AGBL4: variants seen among roughly 807,000 people sequenced by gnomAD.
AGBL4 encodes the protein AGBL carboxypeptidase 4, also known as cytosolic carboxypeptidase 6.
Under a neutral mutation model 66.4 loss-of-function variants are expected in AGBL4, and 58 were observed. The ratio of observed to expected loss-of-function variants is 0.87; its 90% CI spans 0.71 to 1.09. AGBL4 has a LOEUF of 1.09. AGBL4 is among the 50% of genes least tolerant of loss of function. The pLI is 0.00. For missense variants in AGBL4, 579 were observed against 631.0 expected, an observed-to-expected ratio of 0.92 and a Z score of 0.88; for synonymous variants, 234 against 222.9, an observed-to-expected ratio of 1.05 and a Z score of -0.44.
chr1:49,408,590 G>C (rs1418951884), intron 3 of AGBL4, among the ~76,000 whole-genome samples: 2 of 152,224 alleles, frequency 1.3e-5, no homozygotes, highest in African/African-American at 4.8e-5. Flanking sequence ...ATAAAAGCAG[G>C]CAGAGGAACA....
intron 6 of AGBL4, among the ~76,000 whole-genome samples, chr1:48,784,514 C>T (rs991981477): frequency 1.3e-5 from 2 of 152,218 alleles, no homozygotes; most frequent in Non-Finnish European, 2.9e-5. Flanking sequence ...TTGCCCAAAC[C>T]TGCAGCAAAT....
At chr1:49,826,150 C>T (rs1401527633) in intron 2 of AGBL4, among the ~76,000 whole-genome samples, 1 of 151,800 alleles carries the variant, frequency 6.6e-6, no homozygotes, top group Non-Finnish European at 1.5e-5. Context: ...TGTTGGAGCA[C>T]TCTTCAGGAA....
chr1:49,707,439 T>C (rs1258931748), intron 2 of AGBL4, among the ~76,000 whole-genome samples: 1 of 150,426 alleles, frequency 6.6e-6, no homozygotes, highest in Non-Finnish European at 1.5e-5. Flanking sequence ...TTTGAGCCTA[T>C]GTGTGTCTTT....
intron 2 of AGBL4, among the ~76,000 whole-genome samples, chr1:49,728,116 A>G (rs978938801): frequency 1.3e-5 from 2 of 152,196 alleles, no homozygotes; most frequent in East Asian, 1.9e-4. Context: ...CCTATATATT[A>G]AAGTACTCCT....
chr1:49,722,684 C>T (rs765109278), intron 2 of AGBL4, among the ~76,000 whole-genome samples: 12 of 152,070 alleles, frequency 7.9e-5, no homozygotes, highest in Non-Finnish European at 1.6e-4. Context: ...GATTGAATGG[C>T]AGTCAAAAGA....
intron 1 of AGBL4, among the ~76,000 whole-genome samples, chr1:50,007,968 A>G (rs1031074343): frequency 3.9e-5 from 6 of 151,990 alleles, no homozygotes; most frequent in Non-Finnish European, 8.8e-5. Context: ...CAATTCAGCA[A>G]GAGGATAAAA....
chr1:49,556,120 G>C (rs1161987457), intron 3 of AGBL4, among the ~76,000 whole-genome samples: 2 of 152,086 alleles, frequency 1.3e-5, no homozygotes, highest in Non-Finnish European at 2.9e-5. Flanking sequence ...CAAAGACTTG[G>C]AACCAACCCA....
At chr1:49,738,575 A>T (rs765171673) in intron 2 of AGBL4, among the ~76,000 whole-genome samples, 6 of 152,174 alleles carry the variant, frequency 3.9e-5, no homozygotes, top group Non-Finnish European at 7.4e-5. Flanking sequence ...CCCAGCATGC[A>T]GCTAGAGATG....
chr1:48,976,781 C>T (rs1425194158), intron 5 of AGBL4, among the ~76,000 whole-genome samples: 1 of 152,096 alleles, frequency 6.6e-6, no homozygotes, highest in Non-Finnish European at 1.5e-5. Context: ...GCTCATTCCT[C>T]CTCAACCTTT....
intron 1 of AGBL4, among the ~76,000 whole-genome samples, chr1:49,855,096 T>C (rs753402980): frequency 6.6e-6 from 1 of 152,168 alleles, no homozygotes; most frequent in Non-Finnish European, 1.5e-5. Flanking sequence ...TAAACCTCTT[T>C]TCTTTAGAAA....
At chr1:49,410,249 C>T (rs1377477521) in intron 3 of AGBL4, among the ~76,000 whole-genome samples, 9 of 152,152 alleles carry the variant, frequency 5.9e-5, no homozygotes, top group Non-Finnish European at 7.3e-5. Context: ...TTCCCGAGCA[C>T]GACTAGAAAC....
intron 6 of AGBL4, among the ~76,000 whole-genome samples, chr1:48,741,539 C>T (rs1025203690): frequency 1.3e-5 from 2 of 152,214 alleles, no homozygotes; most frequent in Non-Finnish European, 2.9e-5. Flanking sequence ...GGGGAGGAGG[C>T]GCTCAGTGGG....
intron 3 of AGBL4, among the ~76,000 whole-genome samples, chr1:49,544,819 T>C (rs1234270297): frequency 6.6e-6 from 1 of 152,184 alleles, no homozygotes; most frequent in Non-Finnish European, 1.5e-5. Context: ...ATAATGCAGT[T>C]AAACTCCCTA....
At chr1:48,555,198 T>C (rs1644303809) in intron 11 of AGBL4, among the ~76,000 whole-genome samples, 1 of 152,090 alleles carries the variant, frequency 6.6e-6, no homozygotes, top group Non-Finnish European at 1.5e-5. Flanking sequence ...TCTTTTTTTT[T>C]TTTCCTGAGA....
At chr1:48,675,969 T>G (rs1646358491) in intron 6 of AGBL4, among the ~76,000 whole-genome samples, 1 of 152,228 alleles carries the variant, frequency 6.6e-6, no homozygotes, top group Non-Finnish European at 1.5e-5. Context: ...AGGATATGTT[T>G]CCAGAGGGTG....
chr1:48,576,543 A>T (rs1644656319), intron 11 of AGBL4, among the ~76,000 whole-genome samples: 1 of 152,192 alleles, frequency 6.6e-6, no homozygotes, highest in African/African-American at 2.4e-5. Flanking sequence ...TTGTTTGCTA[A>T]GAAATGTCCT....
intron 5 of AGBL4, among the ~76,000 whole-genome samples, chr1:48,868,768 T>C (rs1337447809): frequency 2.0e-5 from 3 of 152,198 alleles, no homozygotes; most frequent in Non-Finnish European, 4.4e-5. Context: ...CCCCACCAAT[T>C]GTATAAACTG....
At chr1:50,022,889 C>T (rs886543607) in intron 1 of AGBL4, among the ~76,000 whole-genome samples, 3 of 152,152 alleles carry the variant, frequency 2.0e-5, no homozygotes, top group Non-Finnish European at 4.4e-5. Context: ...AAAACCTTTG[C>T]TTTCTTCTAT....
intron 2 of AGBL4, among the ~76,000 whole-genome samples, chr1:49,720,076 A>G (rs563263021): frequency 5.9e-5 from 9 of 152,270 alleles, no homozygotes; most frequent in Non-Finnish European, 1.3e-4. Context: ...ATCCTAAAAA[A>G]TATACACTCT....
Sources: allele counts gnomAD v4.1 joint callset (sites outside exome capture counted in the v4.1 genomes callset), GRCh38; gene constraint gnomAD v4.1.1; transcripts MANE v1.5; gene names NCBI Gene and HGNC (gene_info 2026-07-23, HGNC 2026-07-21).